Variants in PTGES3 observed in about 807,000 individuals in gnomAD.
PTGES3 encodes prostaglandin E synthase 3.
Under a neutral mutation model 29.9 loss-of-function variants are expected in PTGES3, and 5 were observed. That is an observed-to-expected ratio of 0.17 (90% CI 0.09 to 0.35). The LOEUF (loss-of-function observed/expected upper bound fraction) is 0.35, where lower values mean the gene tolerates loss of function less well. Among genes scored for constraint, PTGES3 ranks in the 10% least tolerant of loss-of-function variants. The pLI is 1.00. For missense variants in PTGES3, 128 were observed against 190.0 expected, an observed-to-expected ratio of 0.67 and a Z score of 1.92; for synonymous variants, 49 against 57.8, an observed-to-expected ratio of 0.85 and a Z score of 0.69.
At chr12:56,674,084 G>C (rs573118871) in intron 1 of PTGES3, among the ~76,000 whole-genome samples, 2 of 151,946 alleles carry the variant, frequency 1.3e-5, no homozygotes, top group Non-Finnish European at 2.9e-5. Context: ...AATTTTATCA[G>C]TTTCCTCAAA....
In PTGES3 at chr12:56,676,145, G is replaced by GGAGGT. The variant is rs1365212616; in HGVS notation, c.3-3081_3-3080insACCTC. ...GGAGGCTGGGAGGGGGAGGGGGAGGGGGAGGTGGAGGTGGAGGTTGCGGTA... is the reference window on the plus strand; with the variant it reads ...GGAGGCTGGGAGGGGGAGGGGGAGGGGAGGTGGAGGTGGAGGTGGAGGTTGCGGTA... On this transcript the variant is annotated intron_variant, in intron 1 of 7. Transcript: ENST00000262033. 8.6e-3 allele frequency among the ~76,000 whole-genome samples: 1,186 copies of GGAGGT among 138,362 alleles called. 12 individuals are homozygous for GGAGGT. Among genetic ancestry groups the GGAGGT allele is most frequent in the African/African-American group, 0.029 (1,028 of 35,320 alleles). The allele number at this position is 138,362 out of a possible 152,430, so 90.8% of individuals were successfully genotyped here.
chr12:56,673,078 A>G lies in PTGES3; in HGVS notation c.3-13T>C, dbSNP rs776959138. On this transcript the variant is annotated splice_polypyrimidine_tract_variant and intron_variant, in intron 1 of 7. Transcript: ENST00000262033. Reference sequence around the variant, plus strand: ...AGAAGCAGGCTGCCTACAAAAGGATAAAGTAGGGAAAGTCAAGCTGGAATT... The same window carrying G: ...AGAAGCAGGCTGCCTACAAAAGGATGAAGTAGGGAAAGTCAAGCTGGAATT... 7.1e-6 allele frequency: 11 copies of G among 1,543,662 alleles called. No individual in the cohort carries two copies. In the East Asian group the frequency reaches 1.8e-4, roughly 25 times the overall value.
chr12:56,669,572 C>T (rs571805133), intron 5 of PTGES3, among the ~76,000 whole-genome samples: 5 of 151,972 alleles, frequency 3.3e-5, no homozygotes, highest in South Asian at 2.1e-4. Context: ...CGTGAGCCAC[C>T]GCGCCCAGCC....
chr12:56,663,978 T>C lies in PTGES3; in HGVS notation c.*501A>G, dbSNP rs1187534035. ...CTTACATAGAATAATGTGAAGTAAA[T>C]TTTTTGAAAAATAAATTTTAGTGGA... On this transcript the variant is annotated 3_prime_UTR_variant, in exon 8 of 8. Transcript: ENST00000262033. The C allele has an allele frequency of 6.5e-6, 1 of 153,216 alleles. No individual in the cohort carries two copies. The highest frequency in any genetic ancestry group is 2.0e-4 in the South Asian group (1 of 4,890). The allele number at this position is 153,216 out of a possible 1,614,324, so 9.5% of individuals were successfully genotyped here.
intron 5 of PTGES3, among the ~76,000 whole-genome samples, chr12:56,667,473 G>A (rs1951832917): frequency 6.6e-6 from 1 of 152,152 alleles, no homozygotes; most frequent in African/African-American, 2.4e-5. Flanking sequence ...CAGCCTAAAA[G>A]TATCATTCAG....
chr12:56,678,675 A>G (rs561724333), intron 1 of PTGES3, among the ~76,000 whole-genome samples: 1 of 152,328 alleles, frequency 6.6e-6, no homozygotes, highest in African/African-American at 2.4e-5. Flanking sequence ...AAATTATGGT[A>G]TTTAGGAACA....
At chr12:56,676,876 G>A (rs370880330) in intron 1 of PTGES3, among the ~76,000 whole-genome samples, 10 of 124,814 alleles carry the variant, frequency 8.0e-5, no homozygotes, top group South Asian at 2.9e-4. Flanking sequence ...AGCTGAGATC[G>A]TGCCACTGCA....
In PTGES3 at chr12:56,664,181, T is replaced by G; in HGVS notation, c.*298A>C. ...TGAAGAAAAGGAGACTTAGGTGAGA[T>G]GTTTTTATTTATCGCAACTGCTGCA... On this transcript the variant is annotated 3_prime_UTR_variant, in exon 8 of 8. Transcript: ENST00000262033. 2 of 258,148 alleles carry G rather than the reference T, an allele frequency of 7.7e-6. No individual in the cohort carries two copies. The highest frequency in any genetic ancestry group is 7.5e-6 in the Non-Finnish European group (1 of 133,092). The allele number at this position is 258,148 out of a possible 1,614,324, so 16.0% of individuals were successfully genotyped here.
chr12:56,675,521 CAAAAAA>C (rs58270146), intron 1 of PTGES3, among the ~76,000 whole-genome samples: 1 of 92,054 alleles, frequency 1.1e-5, no homozygotes, highest in African/African-American at 3.4e-5. Flanking sequence ...AGAATGAGAC[CAAAAAA>C]AAAAAAAAAA....
chr12:56,677,153 T>C (rs553165781), intron 1 of PTGES3, among the ~76,000 whole-genome samples: 6 of 150,888 alleles, frequency 4.0e-5, no homozygotes, highest in Admixed American at 6.6e-5. Context: ...GGCGGGAGAA[T>C]TGCTTGAACA....
Position 56,688,019 on chromosome 12 carries a change from C to T in PTGES3, c.-20G>A. 3 of 1,531,092 alleles carry T rather than the reference C, an allele frequency of 2.0e-6. No homozygotes were observed. The highest frequency in any genetic ancestry group is 2.6e-6 in the Non-Finnish European group (3 of 1,137,668). 94.8% of individuals were successfully genotyped at this position (1,531,092 alleles called of 1,614,324 possible). On this transcript the variant is annotated 5_prime_UTR_variant, in exon 1 of 8. Coordinates refer to ENST00000262033, the MANE Select transcript of PTGES3 (RefSeq NM_006601.7). ...TCACATTGTGAACGGGGCAGGGGGA[C>T]GGGCGAACTGGTGGGCGGGCCTCTC...
At chr12:56,680,078 G>T (rs1416413057) in intron 1 of PTGES3, among the ~76,000 whole-genome samples, 50 of 139,586 alleles carry the variant, frequency 3.6e-4, no homozygotes, top group Non-Finnish European at 5.3e-4. Flanking sequence ...ATTGGTTTTG[G>T]TTTTTTTTTT....
rs541410650 is a variant in PTGES3, at chr12:56,687,516, C to G, written c.2+482G>C. Reference sequence around the variant, plus strand: ...CAGTACCTGCAGCTCACGGCGAGGTCCGCGTGGGGCTCTCCCAGGAGCTCC... The same window carrying G: ...CAGTACCTGCAGCTCACGGCGAGGTGCGCGTGGGGCTCTCCCAGGAGCTCC... On this transcript the variant is annotated intron_variant, in intron 1 of 7. Coordinates refer to ENST00000262033, the MANE Select transcript of PTGES3 (RefSeq NM_006601.7). 2.2e-4 allele frequency: 219 copies of G among 999,888 alleles called. No homozygotes were observed. In the African/African-American group the frequency reaches 3.5e-3, roughly 16 times the overall value. The allele number at this position is 999,888 out of a possible 1,614,324, so 61.9% of individuals were successfully genotyped here.
intron 6 of PTGES3, chr12:56,665,441 C>T (rs1455124938): frequency 1.5e-5 from 13 of 888,402 alleles, no homozygotes; most frequent in Admixed American, 1.2e-4. Context: ...ATTACAGGCA[C>T]CCGCCACCAT....
intron 5 of PTGES3, among the ~76,000 whole-genome samples, chr12:56,667,656 A>T (rs2137589777): frequency 1.3e-5 from 2 of 152,386 alleles, no homozygotes; most frequent in Middle Eastern, 3.4e-3. Context: ...AATAGAGAGT[A>T]GAATGGTAGA....
At chr12:56,664,615 GGTT>G in intron 7 of PTGES3, 117 bp from the exon 8 acceptor site, 1 of 1,378,088 alleles carries the variant, frequency 7.3e-7, no homozygotes, top group South Asian at 1.3e-5. Flanking sequence ...TGAATTAATA[GGTT>G]GTCTTGCTAT....
At chr12:56,682,097 T>C (rs896874428) in intron 1 of PTGES3, among the ~76,000 whole-genome samples, 26 of 152,084 alleles carry the variant, frequency 1.7e-4, no homozygotes, top group African/African-American at 6.3e-4. Flanking sequence ...CCTGCCCGCC[T>C]TGGCCTCCAA....
At chr12:56,672,064 T>C (rs555200034) in intron 3 of PTGES3, among the ~76,000 whole-genome samples, 10 of 152,312 alleles carry the variant, frequency 6.6e-5, no homozygotes, top group South Asian at 2.1e-4. Context: ...TATTTCCTAC[T>C]GAAATAATCT....
Position 56,666,233 on chromosome 12 carries a change from C to G in PTGES3, c.409G>C (p.Asp137His). Residue 137 changes from aspartate to histidine, a missense_variant, in exon 6 of 8, where the codon GAT becomes CAT. By Grantham distance (81) the Asp-to-His change is moderately conservative. Transcript: ENST00000262033. ...MNNMGGDEDV[D>H]LPEVDGADDD... ...TCTGCTCCATCTACTTCTGGTAAAT[C>G]TACATCCTCATCACCACCCATGTTG... is the stretch of plus-strand genomic sequence containing the variant. The G allele has an allele frequency of 6.2e-7, 1 of 1,611,048 alleles. No homozygotes were observed. The highest frequency in any genetic ancestry group is 8.5e-7 in the Non-Finnish European group (1 of 1,178,596).
Sources: gnomAD v4.1 joint callset for allele counts (sites outside exome capture counted in the v4.1 genomes callset) on GRCh38, gnomAD v4.1.1 for gene constraint, MANE v1.5 for transcripts, NCBI Gene and HGNC (gene_info 2026-07-23, HGNC 2026-07-21) for gene names.